ASTN2: variants seen among roughly 807,000 people sequenced by gnomAD.
ASTN2 encodes the protein astrotactin-2.
Under a neutral mutation model 139.8 loss-of-function variants are expected in ASTN2, and 54 were observed. The ratio of observed to expected loss-of-function variants is 0.39; its 90% CI spans 0.31 to 0.48. The LOEUF (loss-of-function observed/expected upper bound fraction) is 0.48. Among genes scored for constraint, ASTN2 ranks in the 20% least tolerant of loss-of-function variants. The probability of loss-of-function intolerance (pLI) is 0.95; values close to 1 mark genes in which losing one functional copy is unlikely to be tolerated. For synonymous variants in ASTN2, 756 were observed against 719.5 expected, an observed-to-expected ratio of 1.05 and a Z score of -0.81; for missense variants, 1,565 against 1,725.1, an observed-to-expected ratio of 0.91 and a Z score of 1.64.
At chr9:117,061,762 G>T (rs1378739542) in intron 5 of ASTN2, among the ~76,000 whole-genome samples, 1 of 152,070 alleles carries the variant, frequency 6.6e-6, no homozygotes, top group East Asian at 1.9e-4. Flanking sequence ...GACTGAAGAG[G>T]GAGAGAAGGC....
At chr9:116,453,792 T>C (rs2118932993) in intron 20 of ASTN2, among the ~76,000 whole-genome samples, 1 of 152,280 alleles carries the variant, frequency 6.6e-6, no homozygotes, top group South Asian at 2.1e-4. Flanking sequence ...TCATAAGGTT[T>C]CATTAGAGCT....
At chr9:116,961,865 T>C (rs926980815) in intron 10 of ASTN2, among the ~76,000 whole-genome samples, 4 of 152,238 alleles carry the variant, frequency 2.6e-5, no homozygotes, top group African/African-American at 9.6e-5. Flanking sequence ...AATTGTAATA[T>C]AATGACAACA....
At chr9:116,805,880 G>A (rs868238807) in intron 12 of ASTN2, 60 bp from the exon 13 acceptor site, 2 of 1,544,736 alleles carry the variant, frequency 1.3e-6, no homozygotes, top group Admixed American at 3.6e-5. Context: ...CATTGGGGGT[G>A]ACCTAAAACC....
chr9:116,533,678 T>C (rs761434440), intron 19 of ASTN2, among the ~76,000 whole-genome samples: 29 of 152,236 alleles, frequency 1.9e-4, no homozygotes, highest in Non-Finnish European at 3.2e-4. Flanking sequence ...GATTTGCATA[T>C]GTTGAACCAG....
chr9:116,680,666 CG>C (rs1859798348), intron 16 of ASTN2, among the ~76,000 whole-genome samples: 4 of 152,130 alleles, frequency 2.6e-5, no homozygotes, highest in Admixed American at 2.0e-4. Flanking sequence ...CATCAAAAAG[CG>C]TATCCACCAT....
Position 117,404,531 on chromosome 9 carries a change from T to C in ASTN2, c.442+9966A>G, listed in dbSNP as rs1192553100. On this transcript the variant is annotated intron_variant, in intron 1 of 22. Transcript: ENST00000313400. ...GATACACTATATATTTGGATTTATA[T>C]AGCATTATAATATATTACGTATGTG... Among the ~76,000 whole-genome samples the C allele has an allele frequency of 2.0e-5, 3 of 152,344 alleles. No individual in the cohort carries two copies. The East Asian group carries it at 5.8e-4, about 29-fold the overall frequency.
chr9:116,485,095 T>C (rs186306363), intron 20 of ASTN2, among the ~76,000 whole-genome samples: 2 of 152,142 alleles, frequency 1.3e-5, no homozygotes, highest in East Asian at 3.9e-4. Flanking sequence ...TGGGAGAAAG[T>C]TGAAATTATC....
At chr9:117,003,461 G>A (rs1837247096) in intron 7 of ASTN2, among the ~76,000 whole-genome samples, 3 of 151,086 alleles carry the variant, frequency 2.0e-5, no homozygotes. Context: ...CTGGGCGGCA[G>A]TAGAATCAGC....
chr9:116,864,009 C>T lies in ASTN2; in HGVS notation c.1890-276G>A, dbSNP rs558065583. Among the ~76,000 whole-genome samples, 17 of 152,024 alleles carry T rather than the reference C, an allele frequency of 1.1e-4. No homozygotes were observed. In the South Asian group the frequency reaches 3.1e-3, roughly 28 times the overall value. On this transcript the variant is annotated intron_variant, in intron 10 of 22. Transcript: ENST00000313400. ...GGTAGTCATGAGATGTGCACTTTAC[C>T]GTAAGGGAACTAGGCTTAGCAAGGT...
Position 117,270,627 on chromosome 9 carries a change from G to C in ASTN2, c.630+20699C>G, listed in dbSNP as rs142148591. Among the ~76,000 whole-genome samples, 359 of 152,268 alleles carry C rather than the reference G, an allele frequency of 2.4e-3. 2 individuals are homozygous for C. Among genetic ancestry groups the C allele is most frequent in the African/African-American group, 8.1e-3 (336 of 41,556 alleles). On this transcript the variant is annotated intron_variant, in intron 2 of 22. Transcript: ENST00000313400. ...CATAAGGATGTTTGGTCTCACCATT[G>C]AGTGGCTCTGTGATCTTGGACATGA...
intron 10 of ASTN2, among the ~76,000 whole-genome samples, chr9:116,930,433 T>A (rs1051837993): frequency 5.9e-5 from 9 of 152,072 alleles, no homozygotes; most frequent in African/African-American, 2.2e-4. Flanking sequence ...TCAAGTCTCA[T>A]TCAGCAAGAC....
chr9:116,760,495 C>T (rs79726420), intron 13 of ASTN2, among the ~76,000 whole-genome samples: 7 of 152,160 alleles, frequency 4.6e-5, no homozygotes, highest in Admixed American at 6.5e-5. Flanking sequence ...TAACCTTAGA[C>T]GTGAAAGCCA....
intron 10 of ASTN2, among the ~76,000 whole-genome samples, chr9:116,971,754 T>A (rs1182137790): frequency 1.3e-5 from 2 of 152,196 alleles, no homozygotes; most frequent in Non-Finnish European, 2.9e-5. Context: ...ATGAGCATGA[T>A]AACTAATGCT....
chr9:116,895,794 G>T (rs1833865868), intron 10 of ASTN2, among the ~76,000 whole-genome samples: 1 of 152,156 alleles, frequency 6.6e-6, no homozygotes, highest in Non-Finnish European at 1.5e-5. Flanking sequence ...CAGAAAAATG[G>T]AGATGCCAAT....
chr9:116,527,144 A>C (rs982123348), intron 19 of ASTN2, among the ~76,000 whole-genome samples: 3 of 152,324 alleles, frequency 2.0e-5, no homozygotes, highest in African/African-American at 7.2e-5. Context: ...GATTTTTTAG[A>C]TATGACCCCC....
chr9:117,255,260 G>A (rs980131939), intron 2 of ASTN2, among the ~76,000 whole-genome samples: 1 of 152,290 alleles, frequency 6.6e-6, no homozygotes, highest in African/African-American at 2.4e-5. Context: ...TATATTTATC[G>A]GATGCCTACT....
At chr9:117,301,453 C>T (rs2130800095) in intron 1 of ASTN2, among the ~76,000 whole-genome samples, 1 of 152,244 alleles carries the variant, frequency 6.6e-6, no homozygotes, top group East Asian at 1.9e-4. Flanking sequence ...CATAGGAAAC[C>T]CACATAGGTA....
At chr9:117,261,891 C>T (rs1470171382) in intron 2 of ASTN2, among the ~76,000 whole-genome samples, 3 of 152,172 alleles carry the variant, frequency 2.0e-5, no homozygotes, top group Admixed American at 6.5e-5. Flanking sequence ...CACTAGAGAA[C>T]TTTGTCCCTT....
At chr9:117,040,777 G>A (rs1365961906) in intron 5 of ASTN2, among the ~76,000 whole-genome samples, 2 of 152,144 alleles carry the variant, frequency 1.3e-5, no homozygotes, top group African/African-American at 2.4e-5. Context: ...ATAACACGAA[G>A]ATAATAAATA....
Sources: gnomAD v4.1 joint callset for allele counts (sites outside exome capture counted in the v4.1 genomes callset) on GRCh38, gnomAD v4.1.1 for gene constraint, MANE v1.5 for transcripts, NCBI Gene and HGNC (gene_info 2026-07-23, HGNC 2026-07-21) for gene names.